The following POLN variants were observed in gnomAD, a reference collection of about 807,000 sequenced individuals.
POLN encodes DNA polymerase N.
Under a neutral mutation model 113.5 loss-of-function variants are expected in POLN, and 108 were observed. That is an observed-to-expected ratio of 0.95 (90% confidence interval 0.81 to 1.12). The LOEUF (loss-of-function observed/expected upper bound fraction) is 1.12. Ranked by LOEUF, POLN falls within the 50% of genes most tolerant of loss-of-function variation. POLN has a pLI of 0.00. For missense variants in POLN, 1,097 were observed against 1,077.1 expected, an observed-to-expected ratio of 1.02 and a Z score of -0.26; for synonymous variants, 386 against 391.5, an observed-to-expected ratio of 0.99 and a Z score of 0.17.
intron 3 of POLN, among the ~76,000 whole-genome samples, chr4:2,214,135 C>G (rs1734057677): frequency 6.6e-6 from 1 of 151,918 alleles, no homozygotes; most frequent in Non-Finnish European, 1.5e-5. Context: ...ACTTGGGAGG[C>G]TGAGGCAGGA....
chr4:2,123,036 T>G lies in POLN; in HGVS notation c.1982+5077A>C, dbSNP rs1004093826. On this transcript the variant is annotated intron_variant, in intron 19 of 25. Coordinates refer to ENST00000511885, the MANE Select transcript of POLN (RefSeq NM_181808.4). ...AGCCAGGCATGCTGGCATGTGCCTG[T>G]GGTCTCAGGTACTCAGGAGGCTGAG... Among the ~76,000 whole-genome samples, 209 of 151,734 alleles carry G rather than the reference T, an allele frequency of 1.4e-3. 1 individual carries two copies. Among genetic ancestry groups the G allele is most frequent in the South Asian group, 6.2e-4 (3 of 4,802 alleles).
At chr4:2,157,171 A>G (rs1477634286) in intron 15 of POLN, among the ~76,000 whole-genome samples, 1 of 152,182 alleles carries the variant, frequency 6.6e-6, no homozygotes, top group African/African-American at 2.4e-5. Flanking sequence ...TCGAGGTGGG[A>G]CTGTGCGTCA....
At chr4:2,210,630 TAAA>T (rs550506550) in intron 4 of POLN, among the ~76,000 whole-genome samples, 9,245 of 88,488 alleles carry the variant, frequency 0.1, 371 homozygotes, top group African/African-American at 0.18. Context: ...ATAATAATAA[TAAA>T]AAAAAGAGGC....
At chr4:2,116,212 G>T (rs957079751) in intron 19 of POLN, among the ~76,000 whole-genome samples, 1 of 152,300 alleles carries the variant, frequency 6.6e-6, no homozygotes, top group South Asian at 2.1e-4. Flanking sequence ...GTTGATAAAT[G>T]GATGTGCTCT....
chr4:2,187,464 G>A (rs988660144), intron 7 of POLN, among the ~76,000 whole-genome samples: 5 of 151,960 alleles, frequency 3.3e-5, no homozygotes, highest in African/African-American at 9.7e-5. Flanking sequence ...GGCTGGTCTC[G>A]AACTCCTGAC....
chr4:2,073,486 C>A (rs1332220138), intron 24 of POLN, among the ~76,000 whole-genome samples: 2 of 152,212 alleles, frequency 1.3e-5, no homozygotes, highest in South Asian at 2.1e-4. Flanking sequence ...CACACAAGAA[C>A]CCCCCATCCC....
In POLN at chr4:2,115,378, T is replaced by C. The variant is rs993024875; in HGVS notation, c.1982+12735A>G. Reference sequence around the variant, plus strand: ...CCACTGTGCCCGGCCTCTTTTTTGATGTAGTATTTTTCATCTCTTCCAATC... The same window carrying C: ...CCACTGTGCCCGGCCTCTTTTTTGACGTAGTATTTTTCATCTCTTCCAATC... On this transcript the variant is annotated intron_variant, in intron 19 of 25. Transcript: ENST00000511885. 5.3e-5 allele frequency among the ~76,000 whole-genome samples: 8 copies of C among 152,112 alleles called. No homozygotes were observed. In the East Asian group the frequency reaches 5.8e-4, roughly 11 times the overall value.
chr4:2,072,849 T>C, intron 25 of POLN, 119 bp downstream of exon 25: 2 of 1,030,740 alleles, frequency 1.9e-6, no homozygotes, highest in Non-Finnish European at 3.0e-6. Context: ...GTGCCTGCTG[T>C]GGAGTGGCCA....
chr4:2,142,737 G>A (rs1223191368), intron 16 of POLN, among the ~76,000 whole-genome samples: 6 of 152,138 alleles, frequency 3.9e-5, no homozygotes, highest in Admixed American at 2.6e-4. Context: ...ACCAGGAAAA[G>A]GACAGCCTAG....
intron 5 of POLN, among the ~76,000 whole-genome samples, chr4:2,203,068 A>T (rs1319620963): frequency 6.6e-6 from 1 of 152,212 alleles, no homozygotes; most frequent in Admixed American, 6.5e-5. Context: ...CAGTGCATGG[A>T]ACTTTCTCCA....
chr4:2,202,852 A>C (rs1190251957), intron 5 of POLN, among the ~76,000 whole-genome samples: 1 of 152,178 alleles, frequency 6.6e-6, no homozygotes, highest in Non-Finnish European at 1.5e-5. Context: ...AATTTCTAAA[A>C]CAATTAATAG....
chr4:2,075,551 G>T, intron 23 of POLN, 32 bp from the exon 24 acceptor site: 2 of 1,610,706 alleles, frequency 1.2e-6, no homozygotes, highest in South Asian at 2.2e-5. Flanking sequence ...ACCCTGGGAG[G>T]CCAGGACTGT....
At chr4:2,174,101 G>A (rs932702622) in intron 10 of POLN, 82 bp from the exon 11 acceptor site, 7 of 1,339,294 alleles carry the variant, frequency 5.2e-6, no homozygotes, top group South Asian at 2.3e-5. Context: ...GCTCCCTGAT[G>A]AGGACAATAA....
In POLN at chr4:2,127,564, A is replaced by C. The variant is rs1731616141; in HGVS notation, c.1982+549T>G. 6.6e-6 allele frequency among the ~76,000 whole-genome samples: 1 copy of C among 152,108 alleles called. No homozygotes were observed. Among genetic ancestry groups the C allele is most frequent in the Non-Finnish European group, 1.5e-5 (1 of 68,018 alleles). ...CTTTGGAGACCGGAGCAGGTATTCC[A>C]CCAGGAGGAAGAGAAGCCAACGTCC... is the stretch of plus-strand genomic sequence containing the variant. On this transcript the variant is annotated intron_variant, in intron 19 of 25. Transcript: ENST00000511885. This position sits in a 1 kb window ranked among gnomAD's most constrained non-coding sequence, Gnocchi z 4.7.
At chr4:2,100,660 C>T (rs1730901114) in intron 19 of POLN, among the ~76,000 whole-genome samples, 1 of 152,022 alleles carries the variant, frequency 6.6e-6, no homozygotes, top group Admixed American at 6.5e-5. Context: ...TGAGAACAGT[C>T]AGGCCAAAGT....
intron 19 of POLN, among the ~76,000 whole-genome samples, chr4:2,097,091 T>G (rs1376265900): frequency 1.3e-5 from 2 of 152,226 alleles, no homozygotes; most frequent in Non-Finnish European, 2.9e-5. Context: ...AAGCTGCAAG[T>G]TATTTGCCTT....
chr4:2,229,418 A>C, intron 2 of POLN, 175 bp from the exon 3 acceptor site: 1 of 490,956 alleles, frequency 2.0e-6, no homozygotes, highest in Non-Finnish European at 3.4e-6. Flanking sequence ...GAAAAAAGCA[A>C]AATAGCTAGA....
intron 16 of POLN, among the ~76,000 whole-genome samples, chr4:2,148,313 C>G (rs1732199728): frequency 6.6e-6 from 1 of 151,982 alleles, no homozygotes; most frequent in African/African-American, 2.4e-5. Flanking sequence ...ACAAATTGAC[C>G]TAATATATGT....
intron 6 of POLN, among the ~76,000 whole-genome samples, chr4:2,197,562 C>A (rs530891737): frequency 3.3e-4 from 50 of 152,286 alleles, no homozygotes; most frequent in African/African-American, 1.2e-3. Flanking sequence ...TCCAAGTGGA[C>A]AATGTCAACT....
Sources: gnomAD v4.1 joint callset for allele counts (sites outside exome capture counted in the v4.1 genomes callset) on GRCh38, gnomAD v4.1.1 for gene constraint, Gnocchi (gnomAD v3.1) non-coding constraint, MANE v1.5 for transcripts, NCBI Gene and HGNC (gene_info 2026-07-23, HGNC 2026-07-21) for gene names.